The following SAMD14 variants were observed in gnomAD, a reference collection of about 807,000 sequenced individuals.
The protein encoded by SAMD14 is sterile alpha motif domain-containing protein 14.
In SAMD14, 27 loss-of-function variants were observed where a neutral mutation model predicts 46.2. The observed-to-expected ratio is 0.58, with a 90% CI of 0.43 to 0.81. The LOEUF is 0.81. Among genes scored for constraint, SAMD14 ranks in the 30% least tolerant of loss-of-function variants. The probability of loss-of-function intolerance (pLI) is 0.00; values close to 1 mark genes in which losing one functional copy is unlikely to be tolerated. For missense variants in SAMD14, 559 were observed against 582.2 expected, an observed-to-expected ratio of 0.96 and a Z score of 0.41; for synonymous variants, 241 against 254.3, an observed-to-expected ratio of 0.95 and a Z score of 0.50.
chr17:50,126,678 T>G (rs1282233238), intron 1 of SAMD14, among the ~76,000 whole-genome samples: 1 of 152,082 alleles, frequency 6.6e-6, no homozygotes, highest in East Asian at 1.9e-4. Context: ...AAACAGGAGA[T>G]GAGAGGAAGC....
chr17:50,114,177 C>G lies in SAMD14; in HGVS notation c.942+10G>C. ...GGACTCCGTGGGCACCCTGGGCCAG[C>G]CTTGCTCACCTCATCTGAAGACTGA... On this transcript the variant is annotated intron_variant, in intron 8 of 9. Coordinates refer to ENST00000330175, the MANE Select transcript of SAMD14 (RefSeq NM_001257359.2). 1 of 1,614,128 alleles carries G rather than the reference C, an allele frequency of 6.2e-7. No homozygotes were observed. Among genetic ancestry groups the G allele is most frequent in the Non-Finnish European group, 8.5e-7 (1 of 1,180,034 alleles).
At position 50,115,808 on chromosome 17, in the gene SAMD14, G is replaced by A; in HGVS notation, c.662+22C>T. ...GAGCCAGGGGCGGGAGCTGTGGGTG[G>A]GCCGCCATGGGCACCTCTCACCTGC... On this transcript the variant is annotated intron_variant, in intron 6 of 9. Coordinates refer to ENST00000330175, the MANE Select transcript of SAMD14 (RefSeq NM_001257359.2). This position sits in a 1 kb window ranked among gnomAD's most constrained non-coding sequence, Gnocchi z 5.3. 6.2e-7 allele frequency: 1 copy of A among 1,612,512 alleles called. No homozygotes were observed. Among genetic ancestry groups the A allele is most frequent in the Non-Finnish European group, 8.5e-7 (1 of 1,179,852 alleles).
rs1911128995 is a variant in SAMD14 at position 50,115,418 on chromosome 17, A to C, written c.822+146T>G. ...GTGAACGAATGAATTCAGAGAATGC[A>C]TGAAGTAACGGATCACTGCATGGCT... On this transcript the variant is annotated intron_variant, in intron 7 of 9. Coordinates refer to ENST00000330175, the MANE Select transcript of SAMD14 (RefSeq NM_001257359.2). The surrounding 1 kb of genome is among the most constrained non-coding windows in gnomAD (Gnocchi z 5.3). 2.6e-6 allele frequency: 2 copies of C among 758,244 alleles called. No homozygotes were observed. Among genetic ancestry groups the C allele is most frequent in the Admixed American group, 3.2e-5 (1 of 31,372 alleles). The allele number at this position is 758,244 out of a possible 1,614,324, so 47.0% of individuals were successfully genotyped here. A position where few individuals can be genotyped will look rare whatever the true frequency, so the allele number is the denominator to read the frequency against.
intron 2 of SAMD14, among the ~76,000 whole-genome samples, chr17:50,120,615 C>T (rs896525984): frequency 6.6e-6 from 1 of 152,200 alleles, no homozygotes; most frequent in Non-Finnish European, 1.5e-5. Context: ...AAAGTTCTCC[C>T]AGTGGCCTTC....
chr17:50,126,376 C>G lies in SAMD14; in HGVS notation c.-12-1405G>C, dbSNP rs528298713. Among the ~76,000 whole-genome samples, 5 of 149,492 alleles carry G rather than the reference C, an allele frequency of 3.3e-5. No individual in the cohort carries two copies. In the East Asian group the frequency reaches 7.8e-4, roughly 23 times the overall value. The stretch of plus-strand genomic sequence containing the variant: ...CTGGAGTGCAGTGGCGCTATCTTGG[C>G]TCACTGCAAGCTCTGCCTCCCGGGT... On this transcript the variant is annotated intron_variant, in intron 1 of 9. Transcript: ENST00000330175.
rs1911937088 is a variant in SAMD14, at chr17:50,129,524, A to T, written c.-20T>A. 1 of 152,252 alleles carries T rather than the reference A, an allele frequency of 6.6e-6. No homozygotes were observed. The highest frequency in any genetic ancestry group is 2.4e-5 in the African/African-American group (1 of 41,408). The allele number at this position is 152,252 out of a possible 1,614,324, so 9.4% of individuals were successfully genotyped here. ...GGGCGCCCGGCCCCTCACCTCCGGCATCGGTCATCTTCAGCGTCTGGCGCC... is the reference window on the plus strand; with the variant it reads ...GGGCGCCCGGCCCCTCACCTCCGGCTTCGGTCATCTTCAGCGTCTGGCGCC... On this transcript the variant is annotated 5_prime_UTR_variant, in exon 1 of 10. An upstream start codon of the reference 5' UTR is lost. Transcript: ENST00000330175. The surrounding 1 kb of genome is among the most constrained non-coding windows in gnomAD (Gnocchi z 5.6).
chr17:50,113,224 A>G (rs545098165), intron 9 of SAMD14, 176 bp from the exon 10 acceptor site: 4 of 672,820 alleles, frequency 5.9e-6, no homozygotes, highest in Non-Finnish European at 9.8e-6. Context: ...CAGAGCAAGA[A>G]TTTGGAATGA....
In SAMD14 at chr17:50,129,232, T is replaced by TC. The variant is rs1306853557; in HGVS notation, c.-13+284dup. On this transcript the variant is annotated intron_variant, in intron 1 of 9. Coordinates refer to ENST00000330175, the MANE Select transcript of SAMD14 (RefSeq NM_001257359.2). This position sits in a 1 kb window ranked among gnomAD's most constrained non-coding sequence, Gnocchi z 5.6. ...TTTCTCTCCAAACCATCAGCACAAC[T>TC]CCCCGCCGGGCAAGAAAGAGTTAAG... Among the ~76,000 whole-genome samples, 1 of 148,828 alleles carries TC rather than the reference T, an allele frequency of 6.7e-6. No homozygotes were observed. Among genetic ancestry groups the TC allele is most frequent in the African/African-American group, 2.5e-5 (1 of 40,382 alleles).
rs1009460216 is a variant in SAMD14, at chr17:50,112,768, C to T, written c.*125G>A. On this transcript the variant is annotated 3_prime_UTR_variant, in exon 10 of 10. Coordinates refer to ENST00000330175, the MANE Select transcript of SAMD14 (RefSeq NM_001257359.2). ...AGTGACAGGGTAAGAGAGAGCATGT[C>T]CCCCCTGAGAGCGTGGGACCAGGCT... is the stretch of plus-strand genomic sequence containing the variant. 6 of 1,122,524 alleles carry T rather than the reference C, an allele frequency of 5.3e-6. No homozygotes were observed. Among genetic ancestry groups the T allele is most frequent in the East Asian group, 2.5e-5 (1 of 40,392 alleles). 69.5% of individuals were successfully genotyped at this position (1,122,524 alleles called of 1,614,324 possible). A position where few individuals can be genotyped will look rare whatever the true frequency, so the allele number is the denominator to read the frequency against.
rs530247219 is a variant in SAMD14, at chr17:50,112,570, A to G, written c.*323T>C. The G allele has an allele frequency of 1.2e-4, 26 of 216,598 alleles. No individual in the cohort carries two copies. In the East Asian group the frequency reaches 2.8e-3, roughly 23 times the overall value. 13.4% of individuals were successfully genotyped at this position (216,598 alleles called of 1,614,324 possible). ...CCAGCCCCACGATGGCCTGAGGGCAATGGGACAGCCTGACCCAGCCTCCCA... is the reference window on the plus strand; with the variant it reads ...CCAGCCCCACGATGGCCTGAGGGCAGTGGGACAGCCTGACCCAGCCTCCCA... On this transcript the variant is annotated 3_prime_UTR_variant, in exon 10 of 10. Transcript: ENST00000330175.
intron 1 of SAMD14, among the ~76,000 whole-genome samples, chr17:50,126,495 C>G (rs1030093378): frequency 1.3e-5 from 2 of 151,866 alleles, no homozygotes; most frequent in African/African-American, 4.8e-5. Context: ...TTAGTAGAGA[C>G]AGGGTTTCAC....
chr17:50,111,633 T>C lies in SAMD14; in HGVS notation c.*1260A>G, dbSNP rs1910855069. ...CCATCTGCCGCTCTGTCTGGGCAGATGGGAGGAGCTGGAGGGGTTTCCAAG... is the reference window on the plus strand; with the variant it reads ...CCATCTGCCGCTCTGTCTGGGCAGACGGGAGGAGCTGGAGGGGTTTCCAAG... On this transcript the variant is annotated 3_prime_UTR_variant, in exon 10 of 10. Coordinates refer to ENST00000330175, the MANE Select transcript of SAMD14 (RefSeq NM_001257359.2). The C allele has an allele frequency of 6.6e-6, 1 of 152,324 alleles. No homozygotes were observed. The highest frequency in any genetic ancestry group is 6.5e-5 in the Admixed American group (1 of 15,290). The allele number at this position is 152,324 out of a possible 1,614,324, so 9.4% of individuals were successfully genotyped here.
intron 1 of SAMD14, among the ~76,000 whole-genome samples, chr17:50,126,471 AT>A (rs34871392): frequency 1.3e-5 from 2 of 151,486 alleles, no homozygotes; most frequent in Non-Finnish European, 2.9e-5. Flanking sequence ...CGCCTGGCTA[AT>A]TTTTTTGTAT....
intron 2 of SAMD14, among the ~76,000 whole-genome samples, chr17:50,124,607 G>C (rs1052303395): frequency 2.6e-5 from 4 of 152,056 alleles, no homozygotes; most frequent in African/African-American, 7.2e-5. Context: ...TTATTGTAAG[G>C]GTTAACTAAT....
chr17:50,124,270 A>G (rs1458546076), intron 2 of SAMD14: 1 of 438,952 alleles, frequency 2.3e-6, no homozygotes, highest in South Asian at 1.6e-5. Flanking sequence ...TGGTGTGTGC[A>G]TGCACCCCAG....
rs747677995 is a variant in SAMD14, at chr17:50,112,878, C to T, written c.*15G>A. The T allele has an allele frequency of 2.0e-5, 32 of 1,598,952 alleles. No individual in the cohort carries two copies. Among genetic ancestry groups the T allele is most frequent in the Middle Eastern group, 1.8e-4 (1 of 5,522 alleles). ...TGGCTGCCCCTGCCGGGTGCCAGCGCCTGTGCACCCTCCCCTAGCTCTTCT... is the reference window on the plus strand; with the variant it reads ...TGGCTGCCCCTGCCGGGTGCCAGCGTCTGTGCACCCTCCCCTAGCTCTTCT... On this transcript the variant is annotated 3_prime_UTR_variant, in exon 10 of 10. Coordinates refer to ENST00000330175, the MANE Select transcript of SAMD14 (RefSeq NM_001257359.2).
intron 4 of SAMD14, chr17:50,116,399 AC>A (rs1911200886): frequency 1.1e-5 from 2 of 190,256 alleles, no homozygotes; most frequent in Non-Finnish European, 1.0e-5. Context: ...ATCCTGGCCA[AC>A]TTTTTTTTTT....
chr17:50,127,457 C>T (rs1446119439), intron 1 of SAMD14, among the ~76,000 whole-genome samples: 6 of 151,808 alleles, frequency 4.0e-5, no homozygotes, highest in South Asian at 2.1e-4. Context: ...CAAAATTAGC[C>T]GGGTGTGGTG....
intron 2 of SAMD14, among the ~76,000 whole-genome samples, chr17:50,120,060 G>C (rs1911427967): frequency 6.6e-6 from 1 of 152,142 alleles, no homozygotes. Context: ...ATGATGTTTT[G>C]GACTAGGTTC....
Sources: gnomAD v4.1 joint callset for allele counts (sites outside exome capture counted in the v4.1 genomes callset) on GRCh38, gnomAD v4.1.1 for gene constraint, Gnocchi (gnomAD v3.1) non-coding constraint, MANE v1.5 for transcripts, NCBI Gene and HGNC (gene_info 2026-07-23, HGNC 2026-07-21) for gene names.